Variants in APC observed in about 807,000 individuals in gnomAD.
APC encodes adenomatous polyposis coli protein.
Under a neutral mutation model 247.0 loss-of-function variants are expected in APC, and 72 were observed. That is an observed-to-expected ratio of 0.29 (90% CI 0.24 to 0.35). The LOEUF is 0.35. Among genes scored for constraint, APC ranks in the 10% least tolerant of loss-of-function variants. The pLI is 1.00. For missense variants in APC, 3,400 were observed against 3,360.7 expected (o/e 1.01, Z -0.29); for synonymous variants, 1,254 against 1,162.5 (o/e 1.08, Z -1.60).
upstream of APC, among the ~76,000 whole-genome samples, chr5:112,734,576 T>C (rs1478266195): frequency 6.6e-6 from 1 of 152,208 alleles, no homozygotes; most frequent in African/African-American, 2.4e-5. Context: ...CTCTATTCTA[T>C]GTCTAAGGTC....
At chr5:112,782,865 A>G (rs987573226) in intron 6 of APC, among the ~76,000 whole-genome samples, 2 of 152,212 alleles carry the variant, frequency 1.3e-5, no homozygotes, top group African/African-American at 2.4e-5. Flanking sequence ...TTATTACCAT[A>G]TAACTGGCAA....
In APC at chr5:112,766,659, C is replaced by T. The variant is rs2431510; in HGVS notation, c.220+249C>T. 0.019 allele frequency among the ~76,000 whole-genome samples: 2,835 copies of T among 152,172 alleles called. 34 individuals are homozygous for T. Among genetic ancestry groups the T allele is most frequent in the Middle Eastern group, 0.031 (9 of 294 alleles). On this transcript the variant is annotated intron_variant, in intron 3 of 15. Transcript: ENST00000257430. ...TTAAATCCCTCCCTTAAATAATTTT[C>T]GGCTCTTTGTAAAGCTTGTTGCTAT...
At chr5:112,782,302 A>G (rs1758436602) in intron 6 of APC, among the ~76,000 whole-genome samples, 1 of 152,132 alleles carries the variant, frequency 6.6e-6, no homozygotes, top group African/African-American at 2.4e-5. Flanking sequence ...CCATAATTTA[A>G]TTATCTCCCA....
chr5:112,725,492 G>A (rs543097387), intron 1 of APC, among the ~76,000 whole-genome samples: 3 of 152,130 alleles, frequency 2.0e-5, no homozygotes, highest in South Asian at 2.1e-4. Flanking sequence ...AGTGGCTCAC[G>A]CCTGTAATCC....
intron 8 of APC, among the ~76,000 whole-genome samples, chr5:112,811,290 C>G (rs1434122770): frequency 3.3e-5 from 5 of 152,148 alleles, no homozygotes; most frequent in African/African-American, 1.2e-4. Flanking sequence ...TCATGACTGA[C>G]TTAGCAGGTC....
chr5:112,757,399 C>T (rs572670713), intron 2 of APC, among the ~76,000 whole-genome samples: 3 of 152,160 alleles, frequency 2.0e-5, no homozygotes, highest in Admixed American at 2.0e-4. Flanking sequence ...TATATAAACT[C>T]GAATCACGTT....
chr5:112,712,840 C>G (rs1459585901), intron 1 of APC, among the ~76,000 whole-genome samples: 1 of 152,154 alleles, frequency 6.6e-6, no homozygotes. Flanking sequence ...TTTAGTTAGG[C>G]CCCCAAGTTG....
At chr5:112,808,024 G>A (rs1192786540) in intron 8 of APC, among the ~76,000 whole-genome samples, 4 of 152,140 alleles carry the variant, frequency 2.6e-5, no homozygotes, top group East Asian at 1.9e-4. Flanking sequence ...ATGTGGTGGC[G>A]CACACGTGTA....
chr5:112,836,009 CTT>C (rs371484714), intron 15 of APC, among the ~76,000 whole-genome samples: 1,648 of 106,128 alleles, frequency 0.016, 10 homozygotes, highest in African/African-American at 0.043. Context: ...ATACAACTGT[CTT>C]TTTTTTTTTT....
rs775126492 is a variant in APC, at chr5:112,843,463, A to G, written c.7869A>G (p.Thr2623=). ...TAAAAGAAAATGAATTTTCTCCCAC[A>G]AATAGTACTTCTCAGACCGTTTCCT... ...RKIKENEFSP[T]NSTSQTVSSG... is the part of the protein sequence containing the mutation. The change falls in exon 16 of 16, where the codon ACA becomes ACG. Residue 2623 remains threonine, a synonymous_variant. Transcript: ENST00000257430. The surrounding 1 kb of genome is among the most constrained non-coding windows in gnomAD (Gnocchi z 4.8). 6.2e-7 allele frequency: 1 copy of G among 1,614,000 alleles called. No homozygotes were observed. The highest frequency in any genetic ancestry group is 8.5e-7 in the Non-Finnish European group (1 of 1,179,854).
chr5:112,709,413 C>T (rs1174443190), intron 1 of APC, among the ~76,000 whole-genome samples: 2 of 152,152 alleles, frequency 1.3e-5, no homozygotes, highest in Non-Finnish European at 2.9e-5. Flanking sequence ...CTAGTTCATT[C>T]GTTGCTAGCC....
chr5:112,841,072 G>A lies in APC; in HGVS notation c.5478G>A (p.Lys1826=), dbSNP rs768922376. 6.2e-7 allele frequency: 1 copy of A among 1,612,724 alleles called. No individual in the cohort carries two copies. The highest frequency in any genetic ancestry group is 8.5e-7 in the Non-Finnish European group (1 of 1,178,810). ...LKNNSKVFND[K]LPNNEDRVRG... ...ATAATTCCAAGGTCTTCAATGATAA[G>A]CTCCCAAATAATGAAGATAGAGTCA... The change falls in exon 16 of 16, where the codon AAG becomes AAA. Residue 1826 remains lysine, a synonymous_variant. Transcript: ENST00000257430. This position sits in a 1 kb window ranked among gnomAD's most constrained non-coding sequence, Gnocchi z 4.6.
At chr5:112,747,608 G>T (rs372392739) in intron 1 of APC, among the ~76,000 whole-genome samples, 2 of 151,910 alleles carry the variant, frequency 1.3e-5, no homozygotes, top group African/African-American at 4.8e-5. Flanking sequence ...CACCTCTTTC[G>T]CCTAAGACCC....
At chr5:112,781,917 C>G (rs938281863) in intron 6 of APC, among the ~76,000 whole-genome samples, 1 of 152,172 alleles carries the variant, frequency 6.6e-6, no homozygotes, top group Non-Finnish European at 1.5e-5. Context: ...CCATGCCCAG[C>G]TAGTTTTTGT....
chr5:112,777,317 C>T (rs1034362752), intron 5 of APC, among the ~76,000 whole-genome samples: 2 of 152,024 alleles, frequency 1.3e-5, no homozygotes, highest in African/African-American at 4.8e-5. Context: ...CAGAATGGTC[C>T]TTAGGCATAT....
At chr5:112,765,456 C>T (rs901946946) in intron 2 of APC, among the ~76,000 whole-genome samples, 1 of 152,078 alleles carries the variant, frequency 6.6e-6, no homozygotes, top group African/African-American at 2.4e-5. Flanking sequence ...CGTCTTTGCT[C>T]CAGTCACTCA....
rs72541812 is a variant in APC, at chr5:112,840,280, C to T, written c.4686C>T (p.Asp1562=). Residue 1562 remains aspartate, a synonymous_variant, in exon 16 of 16, where the codon GAC becomes GAT. Transcript: ENST00000257430. This position sits in a 1 kb window ranked among gnomAD's most constrained non-coding sequence, Gnocchi z 4.1. The part of the protein sequence containing the change: ...EAEKTIDSEK[D]LLDDSDDDDI... ...AAAAAACTATTGATTCTGAAAAGGA[C>T]CTATTAGATGATTCAGATGATGATG... 8.1e-6 allele frequency: 13 copies of T among 1,614,004 alleles called. No homozygotes were observed. The highest frequency in any genetic ancestry group is 6.6e-5 in the South Asian group (6 of 91,074).
At chr5:112,800,565 T>G (rs1404700297) in intron 7 of APC, among the ~76,000 whole-genome samples, 1 of 152,164 alleles carries the variant, frequency 6.6e-6, no homozygotes, top group Non-Finnish European at 1.5e-5. Context: ...TTAGATATTT[T>G]TTTCCTAGAA....
chr5:112,815,494 G>T lies in APC; in HGVS notation c.835-1G>T, dbSNP rs2149762252. 1 of 1,608,930 alleles carries T rather than the reference G, an allele frequency of 6.2e-7. No homozygotes were observed. Among genetic ancestry groups the T allele is most frequent in the Non-Finnish European group, 8.5e-7 (1 of 1,176,334 alleles). On this transcript the variant is annotated splice_acceptor_variant, in intron 8 of 15. Transcript: ENST00000257430. LOFTEE classifies it high-confidence loss of function. ...CCATCTATAATGTGCTTAATTTTTA[G>T]GGTTCAACTACACGAATGGACCATG...
Sources: allele counts gnomAD v4.1 joint callset (sites outside exome capture counted in the v4.1 genomes callset), GRCh38; gene constraint gnomAD v4.1.1; non-coding constraint Gnocchi (gnomAD v3.1); transcripts MANE v1.5; gene names NCBI Gene and HGNC (gene_info 2026-07-23, HGNC 2026-07-21).